Variants in NT5DC1 observed in about 807,000 individuals in gnomAD.
The protein encoded by NT5DC1 is 5'-nucleotidase domain-containing protein 1.
In NT5DC1, 42 loss-of-function variants were observed where a neutral mutation model predicts 59.4. That is an observed-to-expected ratio of 0.71 (90% confidence interval 0.55 to 0.92). The LOEUF is 0.92. Among genes scored for constraint, NT5DC1 ranks in the 40% least tolerant of loss-of-function variants. NT5DC1 has a pLI of 0.00. For missense variants in NT5DC1, 501 were observed against 537.1 expected (o/e 0.93, Z 0.66); for synonymous variants, 172 against 188.1 (o/e 0.91, Z 0.70).
At chr6:116,155,194 A>G (rs1466704754) in intron 6 of NT5DC1, among the ~76,000 whole-genome samples, 2 of 152,172 alleles carry the variant, frequency 1.3e-5, no homozygotes, top group Non-Finnish European at 2.9e-5. Context: ...AGTAGTTTGC[A>G]TGGGTTTAGT....
intron 6 of NT5DC1, among the ~76,000 whole-genome samples, chr6:116,202,543 G>C (rs760895788): frequency 6.6e-6 from 1 of 151,764 alleles, no homozygotes; most frequent in Non-Finnish European, 1.5e-5. Flanking sequence ...AAAAACAAAG[G>C]CTATTTTCTT....
chr6:116,106,159 A>G (rs1582803271), intron 1 of NT5DC1, 85 bp from the exon 2 acceptor site: 2 of 780,888 alleles, frequency 2.6e-6, no homozygotes, highest in East Asian at 4.9e-5. Context: ...CCCCATCAGC[A>G]ATTCCATTAG....
Position 116,119,809 on chromosome 6 carries a change from T to C in NT5DC1, c.529+1864T>C, listed in dbSNP as rs1347621060. 3 of 393,152 alleles carry C rather than the reference T, an allele frequency of 7.6e-6. No individual in the cohort carries two copies. In the East Asian group the frequency reaches 1.2e-4, roughly 16 times the overall value. 24.4% of individuals were successfully genotyped at this position (393,152 alleles called of 1,614,324 possible). The stretch of plus-strand genomic sequence containing the variant: ...TGTTTGTTTTTAACATAGCAGGACT[T>C]CTTTGGTGATATTTTTTAATATTGG... On this transcript the variant is annotated intron_variant, in intron 6 of 11. Coordinates refer to ENST00000319550, the MANE Select transcript of NT5DC1 (RefSeq NM_152729.3).
chr6:116,233,981 T>G (rs913407991), intron 8 of NT5DC1, among the ~76,000 whole-genome samples: 2 of 148,190 alleles, frequency 1.3e-5, no homozygotes, highest in African/African-American at 5.0e-5. Context: ...ATAACTGTTT[T>G]TTTTTTTTTT....
At chr6:116,105,370 C>G (rs369549150) in intron 1 of NT5DC1, among the ~76,000 whole-genome samples, 1 of 152,274 alleles carries the variant, frequency 6.6e-6, no homozygotes, top group East Asian at 1.9e-4. Flanking sequence ...GACATGTTAT[C>G]GAAACCTGTT....
rs370005251 is a variant in NT5DC1 at position 116,124,638 on chromosome 6, G to A, written c.529+6693G>A. Among the ~76,000 whole-genome samples the A allele has an allele frequency of 4.6e-5, 7 of 152,248 alleles. No homozygotes were observed. In the East Asian group the frequency reaches 1.2e-3, roughly 25 times the overall value. The stretch of plus-strand genomic sequence containing the variant: ...ACAGGTATTAATTCATTTAAACTTC[G>A]CAGCAGCCCTTGAGATAGCTGCTCC... On this transcript the variant is annotated intron_variant, in intron 6 of 11. Transcript: ENST00000319550.
At position 116,163,082 on chromosome 6, in the gene NT5DC1, G is replaced by A. The variant is rs556225666; in HGVS notation, c.529+45137G>A. Among the ~76,000 whole-genome samples, 404 of 139,300 alleles carry A rather than the reference G, an allele frequency of 2.9e-3. 2 individuals carry two copies. Among genetic ancestry groups the A allele is most frequent in the African/African-American group, 0.011 (382 of 36,018 alleles). 91.4% of individuals were successfully genotyped at this position (139,300 alleles called of 152,430 possible). ...GTGGAGCTTGCAGTGAGCCGAGATC[G>A]TGCCACTGCACTCCAGCCTGGGAGA... On this transcript the variant is annotated intron_variant, in intron 6 of 11. Coordinates refer to ENST00000319550, the MANE Select transcript of NT5DC1 (RefSeq NM_152729.3).
intron 6 of NT5DC1, among the ~76,000 whole-genome samples, chr6:116,213,082 C>T (rs185338489): frequency 2.0e-5 from 3 of 152,144 alleles, no homozygotes; most frequent in Admixed American, 1.3e-4. Flanking sequence ...TATTCCAAAG[C>T]ATCTTGTTTA....
At chr6:116,172,686 A>G (rs972743068) in intron 6 of NT5DC1, among the ~76,000 whole-genome samples, 4 of 152,172 alleles carry the variant, frequency 2.6e-5, no homozygotes, top group Non-Finnish European at 4.4e-5. Context: ...CAGATAACAT[A>G]TATTATTTAA....
At chr6:116,134,178 G>C (rs1309463251) in intron 6 of NT5DC1, among the ~76,000 whole-genome samples, 1 of 152,200 alleles carries the variant, frequency 6.6e-6, no homozygotes, top group Non-Finnish European at 1.5e-5. Context: ...TGTCAAAGAG[G>C]TAAATATCTC....
chr6:116,198,614 C>T (rs768866229), intron 6 of NT5DC1, among the ~76,000 whole-genome samples: 2 of 151,892 alleles, frequency 1.3e-5, no homozygotes, highest in Non-Finnish European at 2.9e-5. Flanking sequence ...ACCTGCAGTC[C>T]TACCTGCTTG....
At chr6:116,210,508 T>C (rs1339283992) in intron 6 of NT5DC1, among the ~76,000 whole-genome samples, 1 of 151,960 alleles carries the variant, frequency 6.6e-6, no homozygotes, top group Non-Finnish European at 1.5e-5. Context: ...GGTAGCTGTG[T>C]GACTTTGGGC....
intron 8 of NT5DC1, among the ~76,000 whole-genome samples, chr6:116,233,977 G>GT (rs34646243): frequency 0.37 from 40,926 of 109,770 alleles, 9,656 homozygotes; most frequent in East Asian, 0.62. Flanking sequence ...TCTTATAACT[G>GT]TTTTTTTTTT....
intron 6 of NT5DC1, among the ~76,000 whole-genome samples, chr6:116,161,743 G>T (rs1305017587): frequency 1.3e-5 from 2 of 152,210 alleles, no homozygotes; most frequent in East Asian, 3.9e-4. Context: ...TTTTATAATT[G>T]TTTTTTCTAA....
In NT5DC1 at chr6:116,245,886, G is replaced by A. The variant is rs540031705; in HGVS notation, c.*1862G>A. The A allele has an allele frequency of 2.0e-5, 3 of 152,076 alleles. No homozygotes were observed. The South Asian group carries it at 6.2e-4, about 32-fold the overall frequency. The allele number at this position is 152,076 out of a possible 1,614,324, so 9.4% of individuals were successfully genotyped here. On this transcript the variant is annotated 3_prime_UTR_variant, in exon 12 of 12. Coordinates refer to ENST00000319550, the MANE Select transcript of NT5DC1 (RefSeq NM_152729.3). ...CTTTATCATTCCACCTAAAGACCCT[G>A]AACAAGTTACCACCAAATTTGGCTT...
Position 116,108,349 on chromosome 6 carries a change from A to G in NT5DC1, c.186-15A>G. ...AATATAGGAATTGATTAATAATCAA[A>G]CTTTCCTATTTCAGTTGCAAAGGTT... On this transcript the variant is annotated splice_polypyrimidine_tract_variant and intron_variant, in intron 2 of 11. Transcript: ENST00000319550. 1 of 1,547,900 alleles carries G rather than the reference A, an allele frequency of 6.5e-7. No homozygotes were observed. Among genetic ancestry groups the G allele is most frequent in the South Asian group, 1.1e-5 (1 of 89,662 alleles).
chr6:116,187,874 T>C (rs530331696), intron 6 of NT5DC1, among the ~76,000 whole-genome samples: 2 of 152,172 alleles, frequency 1.3e-5, no homozygotes, highest in Non-Finnish European at 2.9e-5. Flanking sequence ...TTGACAAACA[T>C]TAAACGTCTC....
intron 6 of NT5DC1, among the ~76,000 whole-genome samples, chr6:116,160,049 C>T (rs775162205): frequency 2.0e-4 from 31 of 152,022 alleles, no homozygotes; most frequent in Non-Finnish European, 4.3e-4. Context: ...CATGACTTTG[C>T]TATTGTGAAT....
chr6:116,129,206 A>G lies in NT5DC1; in HGVS notation c.529+11261A>G, dbSNP rs144298834. On this transcript the variant is annotated intron_variant, in intron 6 of 11. Coordinates refer to ENST00000319550, the MANE Select transcript of NT5DC1 (RefSeq NM_152729.3). Reference sequence around the variant, plus strand: ...ATCAAATCCTGTAGTTCACATACATATATAGACATGTATATACACAAACAT... The same window carrying G: ...ATCAAATCCTGTAGTTCACATACATGTATAGACATGTATATACACAAACAT... Among the ~76,000 whole-genome samples the G allele has an allele frequency of 2.4e-3, 368 of 152,320 alleles. 6 individuals carry two copies. Among genetic ancestry groups the G allele is most frequent in the African/African-American group, 8.2e-3 (342 of 41,582 alleles).
Sources: allele counts gnomAD v4.1 joint callset (sites outside exome capture counted in the v4.1 genomes callset), GRCh38; gene constraint gnomAD v4.1.1; transcripts MANE v1.5; gene names NCBI Gene and HGNC (gene_info 2026-07-23, HGNC 2026-07-21).